The following ACCSL variants were observed in gnomAD, a reference collection of about 807,000 sequenced individuals.
ACCSL encodes the protein 1-aminocyclopropane-1-carboxylate synthase homolog (inactive) like, also known as probable inactive 1-aminocyclopropane-1-carboxylate synthase-like protein 2.
Under a neutral mutation model 61.7 loss-of-function variants are expected in ACCSL, and 55 were observed. The ratio of observed to expected loss-of-function variants is 0.89; its 90% CI spans 0.72 to 1.12. The LOEUF is 1.12. ACCSL is among the 50% of genes most tolerant of loss of function. The probability of loss-of-function intolerance (pLI) is 0.00; values close to 1 mark genes in which losing one functional copy is unlikely to be tolerated. For synonymous variants in ACCSL, 258 were observed against 264.3 expected (o/e 0.98, Z 0.23); for missense variants, 632 against 698.0 (o/e 0.91, Z 1.07).
At chr11:43,931,230 G>A in the ACCSL span, among the ~76,000 whole-genome samples, 60 of 152,346 alleles carry the variant, frequency 3.9e-4, no homozygotes, top group East Asian at 3.9e-3. Flanking sequence ...CTTCGAAGCC[G>A]CCTGCTGGGG....
the ACCSL span, among the ~76,000 whole-genome samples, chr11:43,926,843 C>T: frequency 5.9e-5 from 9 of 152,116 alleles, no homozygotes; most frequent in African/African-American, 1.9e-4. Context: ...TTGACCTCCC[C>T]GGGCTCAGGT....
At chr11:43,928,831 C>G in the ACCSL span, among the ~76,000 whole-genome samples, 2 of 152,234 alleles carry the variant, frequency 1.3e-5, no homozygotes, top group African/African-American at 4.8e-5. Context: ...ATGGAAGCTG[C>G]CTTTCCGATA....
the ACCSL span, among the ~76,000 whole-genome samples, chr11:44,037,030 A>C: frequency 6.6e-6 from 1 of 152,110 alleles, no homozygotes; most frequent in Non-Finnish European, 1.5e-5. Flanking sequence ...TGCAATCTGG[A>C]GGGATGGGGA....
chr11:44,033,415 AC>A, the ACCSL span, among the ~76,000 whole-genome samples: 2 of 152,136 alleles, frequency 1.3e-5, no homozygotes, highest in Non-Finnish European at 2.9e-5. Flanking sequence ...ATCCTGGCAA[AC>A]AGGCCCAGAA....
At chr11:44,042,165 C>A in the ACCSL span, among the ~76,000 whole-genome samples, 1 of 152,142 alleles carries the variant, frequency 6.6e-6, no homozygotes, top group Non-Finnish European at 1.5e-5. Flanking sequence ...AAATCTTTAT[C>A]ACTATTTATT....
the ACCSL span, among the ~76,000 whole-genome samples, chr11:43,931,781 G>C: frequency 6.6e-6 from 1 of 152,206 alleles, no homozygotes; most frequent in African/African-American, 2.4e-5. Context: ...GGAATGGCTG[G>C]AGAAATGACA....
the ACCSL span, among the ~76,000 whole-genome samples, chr11:44,038,647 G>C: frequency 6.6e-6 from 1 of 152,148 alleles, no homozygotes; most frequent in Non-Finnish European, 1.5e-5. Context: ...GAATGCAAAG[G>C]ATGAGAGTAG....
the ACCSL span, among the ~76,000 whole-genome samples, chr11:43,950,612 C>T: frequency 1.3e-5 from 2 of 152,230 alleles, no homozygotes; most frequent in Non-Finnish European, 2.9e-5. Context: ...ACCAGTCCCT[C>T]CCTACCGGTA....
At chr11:44,027,939 A>T in the ACCSL span, among the ~76,000 whole-genome samples, 3 of 152,164 alleles carry the variant, frequency 2.0e-5, no homozygotes. Flanking sequence ...CCAAAGCAGG[A>T]GGATTACTTG....
the ACCSL span, among the ~76,000 whole-genome samples, chr11:43,966,343 T>G: frequency 6.6e-6 from 1 of 151,692 alleles, no homozygotes; most frequent in African/African-American, 2.4e-5. Context: ...GGAGAATCAC[T>G]TAAACCTGGG....
chr11:44,042,479 GTTATTT>G, the ACCSL span, among the ~76,000 whole-genome samples: 2 of 151,784 alleles, frequency 1.3e-5, no homozygotes, highest in African/African-American at 4.8e-5. Context: ...GCTTTCTCCT[GTTATTT>G]TTATTTTTAT....
chr11:44,033,680 A>G, the ACCSL span, among the ~76,000 whole-genome samples: 2 of 152,168 alleles, frequency 1.3e-5, no homozygotes, highest in African/African-American at 4.8e-5. Flanking sequence ...TGTCCCAAGC[A>G]GGATACCAAG....
the ACCSL span, among the ~76,000 whole-genome samples, chr11:43,955,196 C>G: frequency 1.3e-5 from 2 of 152,152 alleles, no homozygotes; most frequent in Non-Finnish European, 2.9e-5. Context: ...CTGCACCTCC[C>G]TTGGCACAAA....
chr11:43,940,937 C>T, the ACCSL span, among the ~76,000 whole-genome samples: 1 of 152,176 alleles, frequency 6.6e-6, no homozygotes, highest in African/African-American at 2.4e-5. Context: ...TGAATCTCAG[C>T]TCTTGCTACT....
At chr11:44,037,081 TCTC>T in the ACCSL span, among the ~76,000 whole-genome samples, 1 of 152,070 alleles carries the variant, frequency 6.6e-6, no homozygotes, top group Non-Finnish European at 1.5e-5. Context: ...GAAGAGGAAT[TCTC>T]CTCCTTTCCC....
chr11:44,042,951 T>A, the ACCSL span, among the ~76,000 whole-genome samples: 2 of 151,624 alleles, frequency 1.3e-5, no homozygotes, highest in Non-Finnish European at 2.9e-5. Flanking sequence ...GGCATGGTGG[T>A]GTGTGCCTGT....
At chr11:43,997,482 C>T in the ACCSL span, among the ~76,000 whole-genome samples, 5 of 152,296 alleles carry the variant, frequency 3.3e-5, no homozygotes, top group South Asian at 6.2e-4. Flanking sequence ...ACCTGTTTGG[C>T]AGCTTTCCAG....
At chr11:43,997,524 C>T in the ACCSL span, among the ~76,000 whole-genome samples, 1 of 152,206 alleles carries the variant, frequency 6.6e-6, no homozygotes, top group African/African-American at 2.4e-5. Context: ...TCTCTCCTCT[C>T]CTACTCTCCC....
the ACCSL span, among the ~76,000 whole-genome samples, chr11:43,931,550 C>T: frequency 6.6e-6 from 1 of 152,130 alleles, no homozygotes; most frequent in African/African-American, 2.4e-5. Context: ...GGTTTGCATC[C>T]CAGTGCCACT....
Sources: gnomAD v4.1 joint callset for allele counts (sites outside exome capture counted in the v4.1 genomes callset) on GRCh38, gnomAD v4.1.1 for gene constraint, MANE v1.5 for transcripts, NCBI Gene and HGNC (gene_info 2026-07-23, HGNC 2026-07-21) for gene names.